ANKRD27: variants seen among roughly 807,000 people sequenced by gnomAD.
ANKRD27 encodes ankyrin repeat domain-containing protein 27.
Under a neutral mutation model 129.7 loss-of-function variants are expected in ANKRD27, and 112 were observed. The ratio of observed to expected loss-of-function variants is 0.86; its 90% CI spans 0.74 to 1.01. ANKRD27 has a LOEUF of 1.01. Among genes scored for constraint, ANKRD27 ranks in the 50% least tolerant of loss-of-function variants. The pLI is 0.00. For missense variants in ANKRD27, 1,258 were observed against 1,300.5 expected, an observed-to-expected ratio of 0.97 and a Z score of 0.50; for synonymous variants, 516 against 511.2, an observed-to-expected ratio of 1.01 and a Z score of -0.13.
chr19:32,619,094 C>A (rs1355881121), intron 20 of ANKRD27, among the ~76,000 whole-genome samples, 166 bp downstream of exon 20: 1 of 152,144 alleles, frequency 6.6e-6, no homozygotes, highest in African/African-American at 2.4e-5. Context: ...TGCTGCTGGG[C>A]CCAGCTTGAA....
intron 12 of ANKRD27, among the ~76,000 whole-genome samples, chr19:32,636,719 C>CTCTT (rs1967096634): frequency 6.8e-6 from 1 of 147,032 alleles, no homozygotes; most frequent in Non-Finnish European, 1.5e-5. Flanking sequence ...TTCTCTCTCT[C>CTCTT]TCTCTATATA....
intron 14 of ANKRD27, among the ~76,000 whole-genome samples, chr19:32,628,443 ACATTCCTC>A (rs1966930056): frequency 6.6e-6 from 1 of 152,172 alleles, no homozygotes; most frequent in Non-Finnish European, 1.5e-5. Flanking sequence ...GGAAAAACTG[ACATTCCTC>A]CCATCCTAAA....
Position 32,631,512 on chromosome 19 carries a change from A to C in ANKRD27, c.1117-18T>G, listed in dbSNP as rs760892890. 6.9e-6 allele frequency: 11 copies of C among 1,605,040 alleles called. No homozygotes were observed. Among genetic ancestry groups the C allele is most frequent in the Admixed American group, 1.7e-5 (1 of 59,978 alleles). On this transcript the variant is annotated intron_variant, in intron 12 of 28. Transcript: ENST00000306065. ...TCAGACTCCTGCAGGGAAAAAACCA[A>C]ACACACCACGAGATGTCAGTGCAGA...
rs749213097 is a variant in ANKRD27, at chr19:32,631,500, G to A, written c.1117-6C>T. 77 of 1,612,982 alleles carry A rather than the reference G, an allele frequency of 4.8e-5. No individual in the cohort carries two copies. The highest frequency in any genetic ancestry group is 6.3e-5 in the Non-Finnish European group (74 of 1,179,406). On this transcript the variant is annotated splice_polypyrimidine_tract_variant and splice_region_variant and intron_variant, in intron 12 of 28. Transcript: ENST00000306065. The stretch of plus-strand genomic sequence containing the variant: ...TCTCCAAATCCCTCAGACTCCTGCA[G>A]GGAAAAAACCAAACACACCACGAGA...
intron 24 of ANKRD27, 141 bp downstream of exon 24, chr19:32,605,694 C>T (rs993539273): frequency 6.0e-5 from 70 of 1,157,206 alleles, no homozygotes; most frequent in African/African-American, 2.0e-4. Context: ...GGAAGACGCA[C>T]GCCCTGCTCC....
chr19:32,636,723 C>CTA (rs1274610525), intron 12 of ANKRD27, among the ~76,000 whole-genome samples: 265 of 143,278 alleles, frequency 1.8e-3, no homozygotes, highest in Admixed American at 4.9e-3. Flanking sequence ...CTCTCTCTCT[C>CTA]TATATATATA....
intron 1 of ANKRD27, among the ~76,000 whole-genome samples, chr19:32,665,965 G>A (rs545789679): frequency 1.5e-4 from 23 of 151,988 alleles, no homozygotes; most frequent in African/African-American, 5.3e-4. Flanking sequence ...ACGGGGTTTC[G>A]CCATGTTGGC....
chr19:32,671,468 C>T (rs935738976), intron 1 of ANKRD27, among the ~76,000 whole-genome samples: 2 of 152,134 alleles, frequency 1.3e-5, no homozygotes, highest in Admixed American at 6.6e-5. Flanking sequence ...GAGGCCAAAG[C>T]GGGTGGATCA....
intron 2 of ANKRD27, among the ~76,000 whole-genome samples, chr19:32,652,350 G>A (rs1236879848): frequency 2.0e-5 from 3 of 152,152 alleles, no homozygotes; most frequent in Admixed American, 6.5e-5. Flanking sequence ...AACACTTTGG[G>A]AGGCTGAGGC....
At chr19:32,642,213 A>ATACGGC in intron 9 of ANKRD27, 68 bp from the exon 10 acceptor site, 1 of 1,373,244 alleles carries the variant, frequency 7.3e-7, no homozygotes, top group Non-Finnish European at 9.6e-7. Flanking sequence ...TGGATCTAAG[A>ATACGGC]ACACATCTCA....
In ANKRD27 at chr19:32,604,444, G is replaced by C. The variant is rs552487336; in HGVS notation, c.2494-20C>G. ...CCCGTGCTGGAAAGAGAAACCACAC[G>C]ATCAAAAGGAACGCTACGAAACGTC... On this transcript the variant is annotated intron_variant, in intron 24 of 28. Coordinates refer to ENST00000306065, the MANE Select transcript of ANKRD27 (RefSeq NM_032139.3). 4.0e-5 allele frequency: 63 copies of C among 1,579,898 alleles called. No homozygotes were observed. The South Asian group carries it at 7.0e-4, about 18-fold the overall frequency.
At position 32,656,103 on chromosome 19, in the gene ANKRD27, G is replaced by GGAAGGAAAAGAAAAGA. The variant is rs753712685; in HGVS notation, c.102+2810_102+2811insTCTTTTCTTTTCCTTC. Among the ~76,000 whole-genome samples, 10 of 123,758 alleles carry GGAAGGAAAAGAAAAGA rather than the reference G, an allele frequency of 8.1e-5. No homozygotes were observed. In the South Asian group the frequency reaches 2.5e-3, roughly 31 times the overall value. The allele number at this position is 123,758 out of a possible 152,430, so 81.2% of individuals were successfully genotyped here. On this transcript the variant is annotated intron_variant, in intron 2 of 28. Transcript: ENST00000306065. ...AGAAAGAAAGAAAGAAAGAAAGAAA[G>GGAAGGAAAAGAAAAGA]AAAGAAAAGAAAAGAAAAGAAAAGA...
At chr19:32,646,312 T>C in intron 4 of ANKRD27, 147 bp downstream of exon 4, 1 of 672,130 alleles carries the variant, frequency 1.5e-6, no homozygotes. Context: ...CAAGTGATCC[T>C]TGTGCCTCGG....
chr19:32,605,917 T>C lies in ANKRD27; in HGVS notation c.2411A>G (p.Asn804Ser), dbSNP rs1160395901. 5 of 1,613,844 alleles carry C rather than the reference T, an allele frequency of 3.1e-6. No homozygotes were observed. Among genetic ancestry groups the C allele is most frequent in the Non-Finnish European group, 3.4e-6 (4 of 1,179,968 alleles). Residue 804 changes from asparagine to serine, a missense_variant, in exon 24 of 29, where the codon AAT becomes AGT. Transcript: ENST00000306065. ...CGTGTTTCCACTGAGGTCCTTCTTA[T>C]TGGGTTTTGCATTCGAATCTAACAG... ...KCLLDSNAKPNKKDLSGNTPL... is the reference protein window; with the variant it reads ...KCLLDSNAKPSKKDLSGNTPL...
chr19:32,615,506 C>T (rs1971901946), intron 22 of ANKRD27, 152 bp downstream of exon 22: 2 of 1,199,902 alleles, frequency 1.7e-6, no homozygotes, highest in East Asian at 5.0e-5. Flanking sequence ...ATCATTTGAG[C>T]CCAGGCGGTT....
intron 28 of ANKRD27, among the ~76,000 whole-genome samples, chr19:32,598,628 G>A (rs754395389): frequency 1.3e-5 from 2 of 151,984 alleles, no homozygotes; most frequent in East Asian, 1.9e-4. Context: ...TGTTATCCCC[G>A]TTTTACACCT....
intron 1 of ANKRD27, among the ~76,000 whole-genome samples, chr19:32,667,043 T>C (rs527853704): frequency 6.6e-6 from 1 of 152,234 alleles, no homozygotes; most frequent in Non-Finnish European, 1.5e-5. Context: ...AGGACTCTTA[T>C]GAGGGTCATT....
Position 32,606,155 on chromosome 19 carries a change from T to C in ANKRD27, c.2374-201A>G, listed in dbSNP as rs12104201. On this transcript the variant is annotated intron_variant, in intron 23 of 28. Transcript: ENST00000306065. ...TGTTCTTTTTGGTTTTTCTTTCTTT[T>C]TTTTTTTTTTTTTTCCAGACAGAGT... is the stretch of plus-strand genomic sequence containing the variant. Among the ~76,000 whole-genome samples the C allele has an allele frequency of 7.0e-4, 74 of 106,162 alleles. 1 individual carries two copies. Among genetic ancestry groups the C allele is most frequent in the East Asian group, 1.8e-3 (5 of 2,848 alleles). The allele number at this position is 106,162 out of a possible 152,430, so 69.6% of individuals were successfully genotyped here.
chr19:32,599,734 G>A lies in ANKRD27; in HGVS notation c.2889C>T (p.Val963=), dbSNP rs1207692272. ...SREIMARDRS[V]PNLTEGSLHE... is the part of the protein sequence containing the mutation. ...GCAAAGAACCTTCGGTTAAATTAGG[G>A]ACACTTCTATCTCTTGCCATAATCT... The change falls in exon 28 of 29, where the codon GTC becomes GTT. Residue 963 remains valine, a synonymous_variant. Transcript: ENST00000306065. 1.2e-6 allele frequency: 2 copies of A among 1,613,412 alleles called. No homozygotes were observed. Among genetic ancestry groups the A allele is most frequent in the Non-Finnish European group, 1.7e-6 (2 of 1,179,860 alleles).
Sources: allele counts gnomAD v4.1 joint callset (sites outside exome capture counted in the v4.1 genomes callset), GRCh38; gene constraint gnomAD v4.1.1; transcripts MANE v1.5; gene names NCBI Gene and HGNC (gene_info 2026-07-23, HGNC 2026-07-21).